Variants in PRKG1 observed in about 807,000 individuals in gnomAD.
The protein encoded by PRKG1 is cGMP-dependent protein kinase 1.
A neutral mutation model predicts 88.1 loss-of-function variants in PRKG1; 35 were observed. The ratio of observed to expected loss-of-function variants is 0.40; its 90% confidence interval spans 0.30 to 0.53. The LOEUF is 0.53. PRKG1 is among the 20% of genes least tolerant of loss of function. The probability of loss-of-function intolerance (pLI) is 0.59; values close to 1 mark genes in which losing one functional copy is unlikely to be tolerated. For missense variants in PRKG1, 540 were observed against 839.8 expected (o/e 0.64, Z 4.41); for synonymous variants, 303 against 292.5 (o/e 1.04, Z -0.37).
In PRKG1 at chr10:51,498,551, A is replaced by G. The variant is rs117029874; in HGVS notation, c.592+30715A>G. ...ATTAGCTAGACTTAGTCATTCCACA[A>G]TGTATAGATACTTGGAAATATCATG... On this transcript the variant is annotated intron_variant, in intron 3 of 17. Transcript: ENST00000373980. Among the ~76,000 whole-genome samples the G allele has an allele frequency of 6.0e-4, 92 of 152,320 alleles. No individual in the cohort carries two copies. In the East Asian group the frequency reaches 0.017, roughly 28 times the overall value.
chr10:51,884,744 T>A (rs1841527577), intron 4 of PRKG1, among the ~76,000 whole-genome samples: 1 of 152,152 alleles, frequency 6.6e-6, no homozygotes, highest in South Asian at 2.1e-4. Flanking sequence ...TCTTTTCAGC[T>A]TGGTGGTTGG....
At chr10:52,086,177 A>G (rs1188723057) in intron 7 of PRKG1, among the ~76,000 whole-genome samples, 1 of 152,058 alleles carries the variant, frequency 6.6e-6, no homozygotes, top group African/African-American at 2.4e-5. Context: ...TTACTCAGAG[A>G]TCATTCCCTC....
At chr10:52,286,864 A>C (rs11001457) in intron 14 of PRKG1, among the ~76,000 whole-genome samples, 7,228 of 151,992 alleles carry the variant, frequency 0.048, 257 homozygotes, top group South Asian at 0.19. Context: ...AATACTTCTA[A>C]ATTTAAAAAT....
chr10:51,579,821 CT>C (rs779226228), intron 3 of PRKG1, among the ~76,000 whole-genome samples: 186 of 151,948 alleles, frequency 1.2e-3, no homozygotes, highest in Admixed American at 1.2e-3. Context: ...CTCACAATCA[CT>C]TTTTATGTGA....
intron 2 of PRKG1, among the ~76,000 whole-genome samples, chr10:51,393,022 C>A (rs1356727915): frequency 1.3e-5 from 2 of 151,224 alleles, no homozygotes; most frequent in South Asian, 2.1e-4. Flanking sequence ...ACTTCCCAGA[C>A]GGGGTGGTTG....
At chr10:51,613,429 T>C (rs1303803398) in intron 3 of PRKG1, among the ~76,000 whole-genome samples, 3 of 151,830 alleles carry the variant, frequency 2.0e-5, no homozygotes, top group South Asian at 2.1e-4. Flanking sequence ...ATCTAGCTAG[T>C]GGTTTATCAA....
At chr10:51,467,451 GAAT>G (rs1470858139) in intron 2 of PRKG1, among the ~76,000 whole-genome samples, 1 of 151,850 alleles carries the variant, frequency 6.6e-6, no homozygotes, top group African/African-American at 2.4e-5. Flanking sequence ...AACAGATTTG[GAAT>G]AATATTATGT....
chr10:51,569,391 T>G (rs907739382), intron 3 of PRKG1, among the ~76,000 whole-genome samples: 2 of 152,054 alleles, frequency 1.3e-5, no homozygotes, highest in Non-Finnish European at 2.9e-5. Flanking sequence ...GATGCTGAAC[T>G]TTGGAGTATT....
intron 3 of PRKG1, among the ~76,000 whole-genome samples, chr10:51,484,636 T>G (rs1164017901): frequency 2.0e-5 from 3 of 152,170 alleles, no homozygotes; most frequent in African/African-American, 4.8e-5. Flanking sequence ...AAAGTTTTAT[T>G]GAGCACCTAC....
rs1339230730 is a variant in PRKG1, at chr10:52,245,815, C to T, written c.1077-5755C>T. Among the ~76,000 whole-genome samples, 4 of 149,976 alleles carry T rather than the reference C, an allele frequency of 2.7e-5. No individual in the cohort carries two copies. In the Admixed American group the frequency reaches 2.7e-4, roughly 10 times the overall value. ...TTTATTTATTTATTTGTTGGAGGCA[C>T]TTAGAGTAGACTTCTGTAGCTCATT... On this transcript the variant is annotated intron_variant, in intron 9 of 17. Coordinates refer to ENST00000373980, the MANE Select transcript of PRKG1 (RefSeq NM_006258.4).
chr10:51,637,687 A>C (rs1839692851), intron 3 of PRKG1, among the ~76,000 whole-genome samples: 2 of 152,304 alleles, frequency 1.3e-5, no homozygotes, highest in Admixed American at 1.3e-4. Context: ...CAAATACTGC[A>C]TGTTCTCACT....
At chr10:51,016,794 G>A (rs557046909) in intron 1 of PRKG1, among the ~76,000 whole-genome samples, 1 of 148,146 alleles carries the variant, frequency 6.8e-6, no homozygotes, top group Admixed American at 6.9e-5. Context: ...TCAGCCTCCC[G>A]AGTAGCTGGG....
chr10:51,538,403 A>G (rs906029703), intron 3 of PRKG1, among the ~76,000 whole-genome samples: 1 of 147,436 alleles, frequency 6.8e-6, no homozygotes, highest in Admixed American at 6.8e-5. Flanking sequence ...TCATATATAT[A>G]CATATACATA....
At chr10:51,620,975 G>A (rs912511660) in intron 3 of PRKG1, among the ~76,000 whole-genome samples, 7 of 135,794 alleles carry the variant, frequency 5.2e-5, no homozygotes, top group Admixed American at 2.4e-4. Flanking sequence ...AACTGATTCC[G>A]TATATGTATG....
At chr10:51,732,865 A>C (rs1232298685) in intron 3 of PRKG1, among the ~76,000 whole-genome samples, 1 of 152,074 alleles carries the variant, frequency 6.6e-6, no homozygotes, top group Non-Finnish European at 1.5e-5. Context: ...GCTGAAATAA[A>C]TTAATATAAC....
chr10:51,772,899 A>G (rs1564640961), intron 3 of PRKG1, among the ~76,000 whole-genome samples: 2 of 152,114 alleles, frequency 1.3e-5, no homozygotes, highest in African/African-American at 4.8e-5. Context: ...TAAACATCAT[A>G]AAGGTACTTA....
chr10:51,774,125 G>T (rs978668215), intron 3 of PRKG1, among the ~76,000 whole-genome samples: 3 of 151,870 alleles, frequency 2.0e-5, no homozygotes, highest in African/African-American at 7.3e-5. Context: ...CTGTGATTTT[G>T]GGTAAGAAAA....
At chr10:51,584,734 G>T (rs1189074691) in intron 3 of PRKG1, among the ~76,000 whole-genome samples, 1 of 151,982 alleles carries the variant, frequency 6.6e-6, no homozygotes, top group Non-Finnish European at 1.5e-5. Flanking sequence ...AGGTTTATTT[G>T]TGCACGATTT....
intron 2 of PRKG1, among the ~76,000 whole-genome samples, chr10:51,417,783 C>T (rs753994786): frequency 1.3e-5 from 2 of 152,122 alleles, no homozygotes; most frequent in East Asian, 1.9e-4. Flanking sequence ...GTATCCTCAT[C>T]GTGATCATGA....
Sources: allele counts gnomAD v4.1 joint callset (sites outside exome capture counted in the v4.1 genomes callset), GRCh38; gene constraint gnomAD v4.1.1; transcripts MANE v1.5; gene names NCBI Gene and HGNC (gene_info 2026-07-23, HGNC 2026-07-21).